The following SYK variants were observed in gnomAD, a reference collection of about 807,000 sequenced individuals.
SYK encodes the protein spleen associated tyrosine kinase.
In SYK, 16 loss-of-function variants were observed where a neutral mutation model predicts 77.8. That is an observed-to-expected ratio of 0.21 (90% confidence interval 0.14 to 0.31). SYK has a LOEUF of 0.31. Ranked by LOEUF, SYK falls within the 10% of genes least tolerant of loss-of-function variation. The pLI, the probability that SYK is intolerant of heterozygous loss-of-function variation, is 1.00. For synonymous variants in SYK, 312 were observed against 308.7 expected, an observed-to-expected ratio of 1.01 and a Z score of -0.11; for missense variants, 529 against 814.4, an observed-to-expected ratio of 0.65 and a Z score of 4.26.
chr9:90,884,252 TACAC>T (rs1828309497), intron 11 of SYK, among the ~76,000 whole-genome samples: 1 of 45,830 alleles, frequency 2.2e-5, no homozygotes, highest in Non-Finnish European at 3.7e-5. Flanking sequence ...TATATACACA[TACAC>T]ATACACATAC....
intron 4 of SYK, among the ~76,000 whole-genome samples, chr9:90,864,045 C>T (rs776316777): frequency 6.6e-6 from 1 of 152,174 alleles, no homozygotes; most frequent in African/African-American, 2.4e-5. Context: ...GCCAGCAATA[C>T]GTTCCAATTT....
rs754686051 is a variant in SYK, at chr9:90,844,200, G to A, written c.302G>A (p.Cys101Tyr). The A allele has an allele frequency of 6.2e-7, 1 of 1,614,252 alleles. No individual in the cohort carries two copies. Among genetic ancestry groups the A allele is most frequent in the Non-Finnish European group, 8.5e-7 (1 of 1,180,030 alleles). The change falls in exon 2 of 14, where the codon TGC becomes TAC. Residue 101 changes from cysteine to tyrosine, a missense_variant. Cys to Tyr is a radical substitution (Grantham distance 194, BLOSUM62 -2). This residue lies in a region of SYK where 321 missense variants were observed against 433.1 expected (regional missense o/e 0.74). Transcript: ENST00000375754. ...YHSQESDGLV[C>Y]LLKKPFNRPQ... ...TCCCAGGAGTCTGATGGCCTGGTCT[G>A]CCTCCTCAAGAAGCCCTTCAACCGG...
chr9:90,810,629 C>G (rs900778879), intron 1 of SYK, among the ~76,000 whole-genome samples: 6 of 152,170 alleles, frequency 3.9e-5, no homozygotes, highest in Admixed American at 2.6e-4. Flanking sequence ...TCTAAGGCCC[C>G]TGAAATGAGC....
At position 90,874,805 on chromosome 9, in the gene SYK, T is replaced by C. The variant is rs1323737077; in HGVS notation, c.1137T>C (p.Ser379=). 2.5e-6 allele frequency: 4 copies of C among 1,614,030 alleles called. No homozygotes were observed. The highest frequency in any genetic ancestry group is 2.2e-5 in the South Asian group (2 of 91,086). The change falls in exon 9 of 14, where the codon TCT becomes TCC. Residue 379 remains serine, a synonymous_variant. Coordinates refer to ENST00000375754, the MANE Select transcript of SYK (RefSeq NM_003177.7). ...CGCTGGAAGACAAAGAACTGGGCTC[T>C]GGTAATTTTGGAACTGTGAAAAAGG... is the stretch of plus-strand genomic sequence containing the variant. ...LLTLEDKELG[S]GNFGTVKKGY...
intron 3 of SYK, among the ~76,000 whole-genome samples, chr9:90,860,438 T>TTGTTG (rs3056953): frequency 6.6e-5 from 10 of 151,374 alleles, no homozygotes; most frequent in Non-Finnish European, 1.2e-4. Flanking sequence ...ATGTGGTTTT[T>TTGTTG]TGTTGTGTTG....
intron 6 of SYK, 31 bp from the exon 7 acceptor site, chr9:90,867,100 T>G (rs753812692): frequency 6.2e-7 from 1 of 1,612,942 alleles, no homozygotes; most frequent in Non-Finnish European, 8.5e-7. Flanking sequence ...CTGAAACATT[T>G]ACTGTTCCTC....
intron 11 of SYK, 82 bp downstream of exon 11, chr9:90,879,035 G>A: frequency 1.1e-5 from 12 of 1,114,240 alleles, no homozygotes; most frequent in South Asian, 1.0e-4. Context: ...TTTTATTATT[G>A]GTATGGTTTC....
chr9:90,882,765 C>T (rs574002574), intron 11 of SYK, among the ~76,000 whole-genome samples: 2 of 152,118 alleles, frequency 1.3e-5, no homozygotes, highest in Non-Finnish European at 2.9e-5. Flanking sequence ...AACACAGATG[C>T]AACCAAGGAG....
intron 13 of SYK, 113 bp downstream of exon 13, chr9:90,888,740 C>T (rs192087817): frequency 2.8e-5 from 23 of 823,640 alleles, no homozygotes; most frequent in Admixed American, 1.0e-4. Flanking sequence ...GGAATGTGCC[C>T]GCTTTCTAAA....
intron 11 of SYK, among the ~76,000 whole-genome samples, chr9:90,882,818 C>A (rs968941338): frequency 2.6e-5 from 4 of 152,188 alleles, no homozygotes; most frequent in Non-Finnish European, 5.9e-5. Context: ...AACAAGGCAG[C>A]CTGCTTGGCC....
chr9:90,839,272 G>A (rs962242445), intron 1 of SYK, among the ~76,000 whole-genome samples: 1 of 152,174 alleles, frequency 6.6e-6, no homozygotes, highest in Admixed American at 6.5e-5. Flanking sequence ...TCCTTGCAGT[G>A]AACCAGTGAT....
intron 3 of SYK, among the ~76,000 whole-genome samples, chr9:90,851,320 C>A (rs1394091024): frequency 6.6e-6 from 1 of 152,194 alleles, no homozygotes; most frequent in Non-Finnish European, 1.5e-5. Context: ...TGTGTCCTGT[C>A]CACAGAGCTT....
At chr9:90,819,844 A>G (rs910756850) in intron 1 of SYK, among the ~76,000 whole-genome samples, 1 of 152,188 alleles carries the variant, frequency 6.6e-6, no homozygotes, top group African/African-American at 2.4e-5. Context: ...CCACAGTCCA[A>G]GTTTCATCTG....
At position 90,877,777 on chromosome 9, in the gene SYK, A is replaced by C. The variant is rs779277261; in HGVS notation, c.1388A>C (p.Asn463Thr). The change falls in exon 10 of 14, where the codon AAC becomes ACC. Residue 463 changes from asparagine to threonine, a missense_variant. Coordinates refer to ENST00000375754, the MANE Select transcript of SYK (RefSeq NM_003177.7). ...LGPLNKYLQQNRHVKDKNIIE... is the reference protein window; with the variant it reads ...LGPLNKYLQQTRHVKDKNIIE... ...CCCCTCAATAAGTATTTGCAGCAGA[A>C]CAGGTATTGTCAGGTGCCCCCACAC... is the stretch of plus-strand genomic sequence containing the variant. 1 of 1,614,090 alleles carries C rather than the reference A, an allele frequency of 6.2e-7. No individual in the cohort carries two copies. The highest frequency in any genetic ancestry group is 8.5e-7 in the Non-Finnish European group (1 of 1,179,990).
intron 1 of SYK, among the ~76,000 whole-genome samples, chr9:90,841,810 G>C (rs951665762): frequency 6.6e-6 from 1 of 150,418 alleles, no homozygotes; most frequent in Non-Finnish European, 1.5e-5. Flanking sequence ...TGTGTAGTGT[G>C]TTGTATGTGG....
intron 1 of SYK, among the ~76,000 whole-genome samples, chr9:90,841,327 T>TTA (rs1826315065): frequency 6.6e-6 from 1 of 151,758 alleles, no homozygotes; most frequent in South Asian, 2.1e-4. Flanking sequence ...ACGTAGTGTG[T>TTA]TGTGTGTACT....
intron 1 of SYK, among the ~76,000 whole-genome samples, chr9:90,829,158 T>G (rs2118490341): frequency 6.6e-6 from 1 of 152,030 alleles, no homozygotes; most frequent in African/African-American, 2.4e-5. Flanking sequence ...GGTGTGGTGG[T>G]GTGCGCTGTA....
intron 3 of SYK, among the ~76,000 whole-genome samples, chr9:90,857,093 T>G (rs907426243): frequency 6.6e-6 from 1 of 152,268 alleles, no homozygotes; most frequent in Admixed American, 6.5e-5. Context: ...CAACTCACTT[T>G]TTGTCCTATA....
intron 3 of SYK, among the ~76,000 whole-genome samples, chr9:90,852,212 A>G (rs1826848529): frequency 6.6e-6 from 1 of 152,218 alleles, no homozygotes; most frequent in Admixed American, 6.5e-5. Context: ...TGGGAGGGGA[A>G]GATAAAGTAG....
Sources: allele counts gnomAD v4.1 joint callset (sites outside exome capture counted in the v4.1 genomes callset), GRCh38; gene constraint gnomAD v4.1.1; regional missense constraint gnomAD v4.1.1; transcripts MANE v1.5; gene names NCBI Gene and HGNC (gene_info 2026-07-23, HGNC 2026-07-21).